Variants in RSRP1 observed in about 807,000 individuals in gnomAD.
RSRP1 encodes the protein arginine/serine-rich protein 1.
A neutral mutation model predicts 33.0 loss-of-function variants in RSRP1; 37 were observed. The observed-to-expected ratio is 1.12, with a 90% CI of 0.86 to 1.48. The LOEUF is 1.48. Among genes scored for constraint, RSRP1 ranks in the 40% most tolerant of loss-of-function variants. The pLI, the probability that RSRP1 is intolerant of heterozygous loss-of-function variation, is 0.00. For missense variants in RSRP1, 402 were observed against 385.3 expected, an observed-to-expected ratio of 1.04 and a Z score of -0.36; for synonymous variants, 167 against 158.7, an observed-to-expected ratio of 1.05 and a Z score of -0.40.
In RSRP1 at chr1:25,321,290, C is replaced by T. The variant is rs1277165454; in HGVS notation, c.-67+16688G>A. 1.3e-4 allele frequency among the ~76,000 whole-genome samples: 16 copies of T among 121,776 alleles called. 1 individual carries two copies. Among genetic ancestry groups the T allele is most frequent in the African/African-American group, 3.0e-4 (11 of 36,164 alleles). The allele number at this position is 121,776 out of a possible 152,430, so 79.9% of individuals were successfully genotyped here. A position where few individuals can be genotyped will look rare whatever the true frequency, so the allele number is the denominator to read the frequency against. On this transcript the variant is annotated intron_variant, in intron 1 of 1. Transcript: ENST00000561867. Reference sequence around the variant, plus strand: ...CCCTTTTACTCCATCTGGGGAAGGGCGTCAGATCTGTGGCTCTCATGTACT... The same window carrying T: ...CCCTTTTACTCCATCTGGGGAAGGGTGTCAGATCTGTGGCTCTCATGTACT...
chr1:25,250,378 T>G (rs1217882125), upstream of RSRP1, among the ~76,000 whole-genome samples: 1 of 152,152 alleles, frequency 6.6e-6, no homozygotes, highest in Non-Finnish European at 1.5e-5. Flanking sequence ...GCAAAGAAAC[T>G]AAAATGGAGT....
Position 25,331,452 on chromosome 1 carries a change from A to G in RSRP1, c.-67+6526T>C, listed in dbSNP as rs1278049354. Among the ~76,000 whole-genome samples, 2 of 132,538 alleles carry G rather than the reference A, an allele frequency of 1.5e-5. 1 individual carries two copies. Among genetic ancestry groups the G allele is most frequent in the Non-Finnish European group, 3.6e-5 (2 of 56,040 alleles). 87.0% of individuals were successfully genotyped at this position (132,538 alleles called of 152,430 possible). A position where few individuals can be genotyped will look rare whatever the true frequency, so the allele number is the denominator to read the frequency against. On this transcript the variant is annotated intron_variant, in intron 1 of 1. Transcript: ENST00000561867. ...AAATAGCAGTAGTCATTAATGGACA[A>G]TGTATACAAAGATAATTTCGTGATT...
Position 25,285,897 on chromosome 1 carries a change from C to T in RSRP1, c.-66-38868G>A, listed in dbSNP as rs1480295392. On this transcript the variant is annotated intron_variant, in intron 1 of 1. Transcript: ENST00000561867. ...CCTCCCCTTCTAAGACCCTGCTAAA[C>T]CTCTGGGCACTGCTGTTAAACATTT... is the stretch of plus-strand genomic sequence containing the variant. Among the ~76,000 whole-genome samples the T allele has an allele frequency of 5.2e-5, 7 of 134,562 alleles. 2 individuals are homozygous for T. The highest frequency in any genetic ancestry group is 1.2e-4 in the Non-Finnish European group (7 of 57,046). The allele number at this position is 134,562 out of a possible 152,430, so 88.3% of individuals were successfully genotyped here.
At chr1:25,313,267 C>T (rs1644264189) in intron 1 of RSRP1, among the ~76,000 whole-genome samples, 1 of 131,744 alleles carries the variant, frequency 7.6e-6, no homozygotes, top group African/African-American at 2.6e-5. Flanking sequence ...AGAAGGTCCT[C>T]AACAGATGCC....
At chr1:25,251,010 AAG>A (rs1205391324), upstream of RSRP1, among the ~76,000 whole-genome samples, 1 of 152,024 alleles carries the variant, frequency 6.6e-6, no homozygotes, top group Non-Finnish European at 1.5e-5. Context: ...CTCCAACTCA[AAG>A]AAAAAAATAA....
intron 1 of RSRP1, among the ~76,000 whole-genome samples, chr1:25,268,096 T>G (rs546498473): frequency 3.0e-5 from 4 of 134,214 alleles, no homozygotes; most frequent in Non-Finnish European, 7.1e-5. Context: ...GTAGCTGTTA[T>G]TCAGCCAACA....
Position 25,303,307 on chromosome 1 carries a change from G to A in RSRP1, c.-67+34671C>T, listed in dbSNP as rs1351364416. On this transcript the variant is annotated intron_variant, in intron 1 of 1. Transcript: ENST00000561867. ...TCTACCTTGCTTCCTTTACCCACAC[G>A]CTATTTCTTTGCAGACTTATGTGCA... 3.0e-6 allele frequency: 4 copies of A among 1,351,942 alleles called. 1 individual carries two copies. Among genetic ancestry groups the A allele is most frequent in the Admixed American group, 1.8e-5 (1 of 55,958 alleles). The allele number at this position is 1,351,942 out of a possible 1,614,324, so 83.7% of individuals were successfully genotyped here.
At chr1:25,262,838 C>A (rs1197529479) in intron 1 of RSRP1, among the ~76,000 whole-genome samples, 1 of 152,218 alleles carries the variant, frequency 6.6e-6, no homozygotes, top group East Asian at 1.9e-4. Flanking sequence ...TTCAAGCCAC[C>A]TGCACATTGA....
intron 1 of RSRP1, among the ~76,000 whole-genome samples, chr1:25,302,304 G>A (rs1643449023): frequency 7.7e-6 from 1 of 129,440 alleles, no homozygotes; most frequent in Non-Finnish European, 1.8e-5. Context: ...GACAAAACAA[G>A]TTCTCATGAT....
intron 1 of RSRP1, among the ~76,000 whole-genome samples, chr1:25,309,023 T>C (rs1157464097): frequency 2.3e-5 from 3 of 132,250 alleles, no homozygotes; most frequent in African/African-American, 7.9e-5. Context: ...GACATCTCTA[T>C]GTAATGGAAA....
upstream of RSRP1, among the ~76,000 whole-genome samples, chr1:25,252,164 A>G (rs1031365715): frequency 6.6e-6 from 1 of 151,732 alleles, no homozygotes; most frequent in Non-Finnish European, 1.5e-5. Flanking sequence ...CCCAGGTTCA[A>G]GTGATTCTCG....
upstream of RSRP1, among the ~76,000 whole-genome samples, chr1:25,248,938 C>T (rs1421550315): frequency 6.6e-6 from 1 of 152,158 alleles, no homozygotes; most frequent in African/African-American, 2.4e-5. Context: ...CACCTAAGAT[C>T]AGGAGTTCGA....
intron 1 of RSRP1, among the ~76,000 whole-genome samples, chr1:25,271,362 A>G (rs549612745): frequency 7.7e-6 from 1 of 130,644 alleles, no homozygotes; most frequent in South Asian, 2.3e-4. Flanking sequence ...CAGGGTGCTC[A>G]CTACCTCATG....
chr1:25,300,168 G>A (rs1420504657), intron 1 of RSRP1, among the ~76,000 whole-genome samples: 1 of 131,408 alleles, frequency 7.6e-6, no homozygotes, highest in East Asian at 1.9e-4. Context: ...AATCAGTGAG[G>A]TGCGTGTCCA....
intron 1 of RSRP1, among the ~76,000 whole-genome samples, chr1:25,312,088 C>G (rs372898447): frequency 0.035 from 3,498 of 99,138 alleles, 639 homozygotes; most frequent in Non-Finnish European, 0.058. Flanking sequence ...AGCAAAACCA[C>G]AGGGGCAGAG....
At position 25,305,031 on chromosome 1, in the gene RSRP1, T is replaced by C. The variant is rs1323355194; in HGVS notation, c.-67+32947A>G. Among the ~76,000 whole-genome samples, 2 of 132,736 alleles carry C rather than the reference T, an allele frequency of 1.5e-5. 1 individual carries two copies. Among genetic ancestry groups the C allele is most frequent in the Non-Finnish European group, 3.6e-5 (2 of 56,182 alleles). 87.1% of individuals were successfully genotyped at this position (132,736 alleles called of 152,430 possible). On this transcript the variant is annotated intron_variant, in intron 1 of 1. Transcript: ENST00000561867. The stretch of plus-strand genomic sequence containing the variant: ...AACACTCATCTTGCTTTTCAAGCTA[T>C]AGTTTAGTGAGCGAAATGGATACAC...
Position 25,315,366 on chromosome 1 carries a change from T to C in RSRP1, c.-67+22612A>G, listed in dbSNP as rs1217881418. Among the ~76,000 whole-genome samples the C allele has an allele frequency of 1.5e-5, 2 of 130,394 alleles. 1 individual carries two copies. Among genetic ancestry groups the C allele is most frequent in the Non-Finnish European group, 3.6e-5 (2 of 55,440 alleles). The allele number at this position is 130,394 out of a possible 152,430, so 85.5% of individuals were successfully genotyped here. On this transcript the variant is annotated intron_variant, in intron 1 of 1. Coordinates refer to the RSRP1 transcript ENST00000561867. ...TACAAAGATGGCAAAGATGAGGGCC[T>C]GGAGCTTGCCACACGGAAGGGGGGA...
Position 25,242,320 on chromosome 1 carries a change from T to C in RSRP1, c.*269A>G. The C allele has an allele frequency of 4.3e-6, 1 of 232,772 alleles. No individual in the cohort carries two copies. The highest frequency in any genetic ancestry group is 8.3e-6 in the Non-Finnish European group (1 of 120,418). The allele number at this position is 232,772 out of a possible 1,614,324, so 14.4% of individuals were successfully genotyped here. ...AGTTCAATTACTGTGTCTAAAAAAT[T>C]TCATTTTTACATAACCAAGACAATA... On this transcript the variant is annotated 3_prime_UTR_variant, in exon 5 of 5. Transcript: ENST00000243189.
intron 1 of RSRP1, among the ~76,000 whole-genome samples, chr1:25,254,477 C>A (rs1340280267): frequency 6.6e-6 from 1 of 151,320 alleles, no homozygotes; most frequent in African/African-American, 2.4e-5. Flanking sequence ...ACTCTGTCGC[C>A]CCGGCTGGAG....
Sources: gnomAD v4.1 joint callset for allele counts (sites outside exome capture counted in the v4.1 genomes callset) on GRCh38, gnomAD v4.1.1 for gene constraint, MANE v1.5 for transcripts, NCBI Gene and HGNC (gene_info 2026-07-23, HGNC 2026-07-21) for gene names.